Variants in MSI2 observed in about 807,000 individuals in gnomAD.
The protein encoded by MSI2 is musashi RNA binding protein 2.
Under a neutral mutation model 45.6 loss-of-function variants are expected in MSI2, and 17 were observed. The observed-to-expected ratio is 0.37, with a 90% confidence interval of 0.26 to 0.56. The LOEUF is 0.56. Ranked by LOEUF, MSI2 falls within the 20% of genes least tolerant of loss-of-function variation. The pLI is 0.77. For synonymous variants in MSI2, 156 were observed against 158.2 expected (o/e 0.99, Z 0.11); for missense variants, 293 against 444.2 (o/e 0.66, Z 3.06).
intron 5 of MSI2, among the ~76,000 whole-genome samples, chr17:57,290,511 A>G (rs1910311945): frequency 6.6e-6 from 1 of 152,246 alleles, no homozygotes; most frequent in South Asian, 2.1e-4. Flanking sequence ...GGGTCTTGTT[A>G]TGTTGCCCAG....
intron 7 of MSI2, among the ~76,000 whole-genome samples, chr17:57,559,345 T>C (rs1261868515): frequency 6.6e-6 from 1 of 152,186 alleles, no homozygotes; most frequent in Non-Finnish European, 1.5e-5. Context: ...GCTCCCCCTC[T>C]CTCCTCTCCT....
At chr17:57,418,099 C>T (rs971458128) in intron 6 of MSI2, among the ~76,000 whole-genome samples, 17 of 152,160 alleles carry the variant, frequency 1.1e-4, no homozygotes, top group African/African-American at 4.1e-4. Context: ...CCCTGCTACT[C>T]GGTTCTGCTG....
intron 6 of MSI2, among the ~76,000 whole-genome samples, chr17:57,412,556 A>G (rs890644076): frequency 3.9e-5 from 6 of 152,148 alleles, no homozygotes; most frequent in African/African-American, 1.2e-4. Flanking sequence ...ACTCCTTAGT[A>G]TAGGGGCTGG....
chr17:57,555,989 C>T (rs2087427657), intron 7 of MSI2, among the ~76,000 whole-genome samples: 1 of 152,194 alleles, frequency 6.6e-6, no homozygotes, highest in East Asian at 1.9e-4. Flanking sequence ...GCCTCAGGCA[C>T]TTTACACTGT....
chr17:57,318,952 T>C (rs1302629047), intron 5 of MSI2, among the ~76,000 whole-genome samples: 1 of 152,218 alleles, frequency 6.6e-6, no homozygotes, highest in Non-Finnish European at 1.5e-5. Context: ...CAACTTAATA[T>C]TGGTGCCTGT....
chr17:57,673,473 A>G (rs561039197), intron 11 of MSI2, among the ~76,000 whole-genome samples: 127 of 152,202 alleles, frequency 8.3e-4, no homozygotes, highest in African/African-American at 2.9e-3. Flanking sequence ...TGAAAGTGTG[A>G]CTCTCAGAAT....
At chr17:57,693,726 T>C in the MSI2 span, among the ~76,000 whole-genome samples, 1 of 152,266 alleles carries the variant, frequency 6.6e-6, no homozygotes, top group African/African-American at 2.4e-5. Flanking sequence ...TTGACTGCTT[T>C]GTTTCTTGAC....
chr17:57,472,901 T>C (rs572188682), intron 6 of MSI2, among the ~76,000 whole-genome samples: 93 of 152,032 alleles, frequency 6.1e-4, no homozygotes, highest in Admixed American at 1.4e-3. Context: ...TTCTTTCTTT[T>C]TTTTTTTTTG....
At chr17:57,451,483 C>T (rs1225547201) in intron 6 of MSI2, among the ~76,000 whole-genome samples, 1 of 152,198 alleles carries the variant, frequency 6.6e-6, no homozygotes, top group Non-Finnish European at 1.5e-5. Context: ...CCCAGCTGTC[C>T]TGTGACATTT....
chr17:57,475,124 T>G (rs1383637475), intron 6 of MSI2, among the ~76,000 whole-genome samples: 1 of 152,238 alleles, frequency 6.6e-6, no homozygotes, highest in African/African-American at 2.4e-5. Flanking sequence ...AACTGTGTAT[T>G]GAGCATCTGT....
chr17:57,443,212 T>TG (rs2084832599), intron 6 of MSI2, among the ~76,000 whole-genome samples: 1 of 151,546 alleles, frequency 6.6e-6, no homozygotes, highest in African/African-American at 2.4e-5. Context: ...GTAAAGGGAG[T>TG]GGGGGGCCAT....
chr17:57,633,155 A>T (rs928365348), intron 10 of MSI2: 2 of 1,019,794 alleles, frequency 2.0e-6, no homozygotes, highest in African/African-American at 3.4e-5. Context: ...TAAGCAACCG[A>T]GGTAGAAAAA....
chr17:57,633,125 G>A (rs779390722), intron 10 of MSI2: 244 of 1,026,356 alleles, frequency 2.4e-4, no homozygotes, highest in South Asian at 6.9e-4. Flanking sequence ...CCCTGATGAC[G>A]TTTTATTTTT....
chr17:57,366,300 G>C (rs965067395), intron 5 of MSI2, among the ~76,000 whole-genome samples: 3 of 152,210 alleles, frequency 2.0e-5, no homozygotes. Context: ...GACCACCGGT[G>C]GGGTGGGTTT....
chr17:57,543,525 A>C (rs1464582068), intron 7 of MSI2, among the ~76,000 whole-genome samples: 1 of 151,774 alleles, frequency 6.6e-6, no homozygotes, highest in African/African-American at 2.4e-5. Context: ...GTGCTTACAG[A>C]TCGAGTTCTA....
chr17:57,291,109 A>G (rs1185746489), intron 5 of MSI2, among the ~76,000 whole-genome samples: 1 of 152,064 alleles, frequency 6.6e-6, no homozygotes, highest in African/African-American at 2.4e-5. Context: ...CCCATACTCA[A>G]TTCTGCCGGC....
chr17:57,308,640 C>T (rs1912117792), intron 5 of MSI2, among the ~76,000 whole-genome samples: 1 of 152,126 alleles, frequency 6.6e-6, no homozygotes, highest in Non-Finnish European at 1.5e-5. Flanking sequence ...ACTTCCCTAC[C>T]ACAGGTGAGC....
At chr17:57,483,642 T>TAAA (rs1192946879) in intron 6 of MSI2, among the ~76,000 whole-genome samples, 1 of 152,130 alleles carries the variant, frequency 6.6e-6, no homozygotes, top group East Asian at 1.9e-4. Context: ...CCAAGGCCTC[T>TAAA]GAGGAGGGAT....
chr17:57,560,784 A>G (rs1889880410), intron 7 of MSI2, among the ~76,000 whole-genome samples: 1 of 152,252 alleles, frequency 6.6e-6, no homozygotes, highest in South Asian at 2.1e-4. Flanking sequence ...CTCGCAGCTC[A>G]GTAAAGGCGG....
Sources: allele counts gnomAD v4.1 joint callset (sites outside exome capture counted in the v4.1 genomes callset), GRCh38; gene constraint gnomAD v4.1.1; transcripts MANE v1.5; gene names NCBI Gene and HGNC (gene_info 2026-07-23, HGNC 2026-07-21).